The following ITGA11 variants were observed in gnomAD, a reference collection of about 807,000 sequenced individuals.
The protein encoded by ITGA11 is integrin alpha-11.
ITGA11 carries 97 observed loss-of-function variants against 141.9 expected under a neutral mutation model. The observed-to-expected ratio is 0.68, with a 90% CI of 0.58 to 0.81. The LOEUF (loss-of-function observed/expected upper bound fraction) is 0.81, where lower values mean the gene tolerates loss of function less well. Among genes scored for constraint, ITGA11 ranks in the 30% least tolerant of loss-of-function variants. The probability of loss-of-function intolerance (pLI) is 0.00; values close to 1 mark genes in which losing one functional copy is unlikely to be tolerated. For missense variants in ITGA11, 1,387 were observed against 1,559.2 expected (o/e 0.89, Z 1.86); for synonymous variants, 658 against 624.6 (o/e 1.05, Z -0.80).
intron 24 of ITGA11, 57 bp from the exon 25 acceptor site, chr15:68,311,460 G>C: frequency 1.6e-6 from 2 of 1,251,532 alleles, no homozygotes; most frequent in South Asian, 2.6e-5. Flanking sequence ...TGGAAAACAA[G>C]GTCCACAGGG....
intron 24 of ITGA11, among the ~76,000 whole-genome samples, chr15:68,312,364 A>C (rs1351595133): frequency 6.6e-6 from 1 of 152,190 alleles, no homozygotes; most frequent in African/African-American, 2.4e-5. Context: ...CTGGAGCTGC[A>C]GCCATCTTGT....
At chr15:68,386,042 T>C (rs754574137) in intron 2 of ITGA11, among the ~76,000 whole-genome samples, 1 of 152,144 alleles carries the variant, frequency 6.6e-6, no homozygotes, top group Non-Finnish European at 1.5e-5. Flanking sequence ...CTTCTGAAGA[T>C]CATGGGAATG....
intron 1 of ITGA11, among the ~76,000 whole-genome samples, chr15:68,404,051 A>C: frequency 6.7e-6 from 1 of 150,028 alleles, no homozygotes; most frequent in Non-Finnish European, 1.5e-5. Flanking sequence ...CTTCTCCATC[A>C]CTCCTTCCTC....
chr15:68,387,142 G>T (rs1346109113), intron 2 of ITGA11, among the ~76,000 whole-genome samples: 1 of 152,034 alleles, frequency 6.6e-6, no homozygotes, highest in Admixed American at 6.6e-5. Context: ...AGAAGGTAGG[G>T]GAAAGGATAA....
Position 68,321,310 on chromosome 15 carries a change from C to T in ITGA11, c.2408+108G>A. 3.3e-6 allele frequency: 2 copies of T among 608,176 alleles called. No homozygotes were observed. Among genetic ancestry groups the T allele is most frequent in the Non-Finnish European group, 5.5e-6 (2 of 363,576 alleles). The allele number at this position is 608,176 out of a possible 1,614,324, so 37.7% of individuals were successfully genotyped here. A position where few individuals can be genotyped will look rare whatever the true frequency, so the allele number is the denominator to read the frequency against. On this transcript the variant is annotated intron_variant, in intron 19 of 29. Coordinates refer to ENST00000315757, the MANE Select transcript of ITGA11 (RefSeq NM_001004439.2). The surrounding 1 kb of genome is among the most constrained non-coding windows in gnomAD (Gnocchi z 4.9). ...CTCCAAGTGCAATGTTTGATCCATG[C>T]TGCCTGTGAGGAGGATGTCCAGGAA...
rs1567135589 is a variant in ITGA11, at chr15:68,339,559, A to C, written c.1217T>G (p.Leu406Arg). 1 of 1,613,946 alleles carries C rather than the reference A, an allele frequency of 6.2e-7. No homozygotes were observed. Among genetic ancestry groups the C allele is most frequent in the Middle Eastern group, 1.6e-4 (1 of 6,062 alleles). ...GAACTCTTTCAGGTAGGACTCGCGG[A>C]GAGGAATGACCTTCCCGGCACTCGT... ...KETSAGKVIP[L>R]RESYLKEFPE... The change falls in exon 11 of 30, where the codon CTC becomes CGC. Residue 406 changes from leucine (L) to arginine (R), a missense_variant. Leu to Arg is a moderately radical substitution (Grantham distance 102). Coordinates refer to ENST00000315757, the MANE Select transcript of ITGA11 (RefSeq NM_001004439.2).
intron 11 of ITGA11, among the ~76,000 whole-genome samples, chr15:68,338,454 C>G (rs1022606384): frequency 2.6e-5 from 4 of 152,244 alleles, no homozygotes; most frequent in African/African-American, 9.6e-5. Flanking sequence ...CTATGCAATT[C>G]AGGTTTAACA....
Position 68,402,499 on chromosome 15 carries a change from C to A in ITGA11, c.164+419G>T, listed in dbSNP as rs904296764. Among the ~76,000 whole-genome samples, 3 of 152,130 alleles carry A rather than the reference C, an allele frequency of 2.0e-5. No individual in the cohort carries two copies. In the East Asian group the frequency reaches 5.8e-4, roughly 29 times the overall value. On this transcript the variant is annotated intron_variant, in intron 2 of 29. Transcript: ENST00000315757. Reference sequence around the variant, plus strand: ...GGATCTTTCCAGCCCTCTCCCTCCACTTGGTCTGGCTCTCCCTCCCCTTTG... The same window carrying A: ...GGATCTTTCCAGCCCTCTCCCTCCAATTGGTCTGGCTCTCCCTCCCCTTTG...
chr15:68,420,854 G>A (rs981020115), intron 1 of ITGA11, among the ~76,000 whole-genome samples: 4 of 152,186 alleles, frequency 2.6e-5, no homozygotes, highest in Admixed American at 2.0e-4. Context: ...AGGTAATAAT[G>A]TGAGATAATA....
At chr15:68,392,144 A>G (rs1190718062) in intron 2 of ITGA11, among the ~76,000 whole-genome samples, 1 of 152,234 alleles carries the variant, frequency 6.6e-6, no homozygotes, top group Non-Finnish European at 1.5e-5. Context: ...GAAACACAGA[A>G]TTCTATGGGG....
chr15:68,340,770 C>T (rs1424723206), intron 10 of ITGA11: 1 of 152,246 alleles, frequency 6.6e-6, no homozygotes, highest in African/African-American at 2.4e-5. Context: ...ATCCCCGATC[C>T]CCTGCTTCAG....
chr15:68,423,213 T>C (rs1408263353), intron 1 of ITGA11, among the ~76,000 whole-genome samples: 1 of 152,100 alleles, frequency 6.6e-6, no homozygotes, highest in Non-Finnish European at 1.5e-5. Context: ...GGTGCTCCCT[T>C]TTCAGTAGGG....
Position 68,332,480 on chromosome 15 carries a change from T to C in ITGA11, c.1426-2A>G. ...TTCACTCCCAAAGTAAGAGCCTATC[T>C]GCGGCACGTGATGGGAGAGAGGAGT... On this transcript the variant is annotated splice_acceptor_variant, in intron 12 of 29. Coordinates refer to ENST00000315757, the MANE Select transcript of ITGA11 (RefSeq NM_001004439.2). LOFTEE classifies it high-confidence loss of function. 1 of 1,612,120 alleles carries C rather than the reference T, an allele frequency of 6.2e-7. No homozygotes were observed. Among genetic ancestry groups the C allele is most frequent in the Non-Finnish European group, 8.5e-7 (1 of 1,179,264 alleles).
chr15:68,320,448 G>A, intron 19 of ITGA11, 56 bp from the exon 20 acceptor site: 1 of 1,478,680 alleles, frequency 6.8e-7, no homozygotes. Flanking sequence ...AGCAGGGGTA[G>A]AGAGGAGCCC....
chr15:68,345,702 G>C (rs967873768), intron 10 of ITGA11, among the ~76,000 whole-genome samples: 1 of 152,194 alleles, frequency 6.6e-6, no homozygotes, highest in Non-Finnish European at 1.5e-5. Flanking sequence ...TTCTGGCAGG[G>C]AGGAAGCCTG....
chr15:68,364,731 G>A lies in ITGA11; in HGVS notation c.333C>T (p.Thr111=). Reference sequence around the variant, plus strand: ...CCAGGAAGCTGTTGTCCTTGGGGTTGGTGGCGAGACTAAGGCCGAGGCGCA... The same window carrying A: ...CCAGGAAGCTGTTGTCCTTGGGGTTAGTGGCGAGACTAAGGCCGAGGCGCA... ...DNMRLGLSLA[T]NPKDNSFLAC... Residue 111 remains threonine, a synonymous_variant, in exon 4 of 30, where the codon ACC becomes ACT. Transcript: ENST00000315757. The A allele has an allele frequency of 6.2e-7, 1 of 1,605,920 alleles. No individual in the cohort carries two copies. The highest frequency in any genetic ancestry group is 8.5e-7 in the Non-Finnish European group (1 of 1,174,790).
Position 68,402,960 on chromosome 15 carries a change from A to G in ITGA11, c.122T>C (p.Phe41Ser). 6.2e-7 allele frequency: 1 copy of G among 1,613,806 alleles called. No individual in the cohort carries two copies. The highest frequency in any genetic ancestry group is 8.5e-7 in the Non-Finnish European group (1 of 1,179,816). The part of the protein sequence containing the change: ...RVIPGSRTAF[F>S]GYTVQQHDIS... ...GTCGTGCTGCTGCACTGTGTAGCCA[A>G]AGAAGGCGGTCCTGGAGCCAGGGAT... Residue 41 changes from phenylalanine (F) to serine (S), a missense_variant, in exon 2 of 30, where the codon TTT (phenylalanine) becomes TCT (serine). Coordinates refer to ENST00000315757, the MANE Select transcript of ITGA11 (RefSeq NM_001004439.2).
chr15:68,311,783 T>C (rs1014303674), intron 24 of ITGA11, among the ~76,000 whole-genome samples: 2 of 152,176 alleles, frequency 1.3e-5, no homozygotes, highest in South Asian at 4.1e-4. Flanking sequence ...GAATCATTAA[T>C]TAACAATTAA....
chr15:68,316,922 C>G (rs957802566), intron 21 of ITGA11, among the ~76,000 whole-genome samples: 1 of 152,198 alleles, frequency 6.6e-6, no homozygotes, highest in Non-Finnish European at 1.5e-5. Flanking sequence ...GTTTCTCTCC[C>G]CATCCCTCCT....
Sources: gnomAD v4.1 joint callset for allele counts (sites outside exome capture counted in the v4.1 genomes callset) on GRCh38, gnomAD v4.1.1 for gene constraint, Gnocchi (gnomAD v3.1) non-coding constraint, MANE v1.5 for transcripts, NCBI Gene and HGNC (gene_info 2026-07-23, HGNC 2026-07-21) for gene names.